WDR48: variants seen among roughly 807,000 people sequenced by gnomAD.
WDR48 encodes the protein WD repeat-containing protein 48.
WDR48 carries 22 observed loss-of-function variants against 94.0 expected under a neutral mutation model. The observed-to-expected ratio is 0.23, with a 90% CI of 0.17 to 0.33. WDR48 has a LOEUF of 0.33. WDR48 is among the 10% of genes least tolerant of loss of function. The pLI, the probability that WDR48 is intolerant of heterozygous loss-of-function variation, is 1.00. For missense variants in WDR48, 541 were observed against 813.8 expected (o/e 0.66, Z 4.08); for synonymous variants, 278 against 280.5 (o/e 0.99, Z 0.09).
intron 7 of WDR48, among the ~76,000 whole-genome samples, chr3:39,070,928 C>T (rs547478860): frequency 6.6e-6 from 1 of 152,034 alleles, no homozygotes; most frequent in Admixed American, 6.6e-5. Flanking sequence ...TGAGAATATG[C>T]GGTGTTTGGT....
At chr3:39,062,925 T>G (rs1040742359) in intron 1 of WDR48, 125 bp from the exon 2 acceptor site, 14 of 1,228,988 alleles carry the variant, frequency 1.1e-5, no homozygotes, top group Non-Finnish European at 1.5e-5. Context: ...TAAATTTGTA[T>G]TGGGTTGAAA....
At chr3:39,072,650 G>A (rs929870550) in intron 7 of WDR48, among the ~76,000 whole-genome samples, 1 of 152,118 alleles carries the variant, frequency 6.6e-6, no homozygotes, top group African/African-American at 2.4e-5. Flanking sequence ...AATCATTGAA[G>A]GACATTCTGT....
intron 1 of WDR48, among the ~76,000 whole-genome samples, chr3:39,054,473 C>A (rs537548334): frequency 2.0e-5 from 3 of 152,144 alleles, no homozygotes; most frequent in Non-Finnish European, 4.4e-5. Flanking sequence ...GGTTGAGAAC[C>A]GCTGTTCTAT....
chr3:39,084,411 G>GA (rs1162877456), intron 12 of WDR48, 149 bp downstream of exon 12: 1 of 612,796 alleles, frequency 1.6e-6, no homozygotes, highest in Non-Finnish European at 2.5e-6. Context: ...GAATAAAAAA[G>GA]AAAAAAACAA....
intron 1 of WDR48, among the ~76,000 whole-genome samples, chr3:39,057,722 A>T (rs1183260687): frequency 6.6e-6 from 1 of 152,112 alleles, no homozygotes; most frequent in Admixed American, 6.5e-5. Context: ...TCCTGGGTTC[A>T]AGTGATTCTC....
intron 1 of WDR48, among the ~76,000 whole-genome samples, chr3:39,062,504 G>A (rs983323119): frequency 6.6e-6 from 1 of 152,150 alleles, no homozygotes; most frequent in Non-Finnish European, 1.5e-5. Flanking sequence ...GCCTTCTAAA[G>A]GAAGTATTGT....
At chr3:39,055,212 C>T (rs774359024) in intron 1 of WDR48, among the ~76,000 whole-genome samples, 1 of 152,150 alleles carries the variant, frequency 6.6e-6, no homozygotes, top group Non-Finnish European at 1.5e-5. Flanking sequence ...GGAGGCCAGG[C>T]GTGGTGGCTC....
chr3:39,059,011 G>A (rs1428735331), intron 1 of WDR48, among the ~76,000 whole-genome samples: 2 of 148,468 alleles, frequency 1.3e-5, no homozygotes, highest in African/African-American at 5.1e-5. Flanking sequence ...GGCAGCAGAG[G>A]TTGCAGTGAG....
At chr3:39,082,304 C>T (rs1161139900) in intron 11 of WDR48, among the ~76,000 whole-genome samples, 1 of 149,536 alleles carries the variant, frequency 6.7e-6, no homozygotes, top group Non-Finnish European at 1.5e-5. Flanking sequence ...TTTTTTGATA[C>T]GGAGTCTCAT....
chr3:39,083,079 T>A (rs139304926), intron 11 of WDR48, among the ~76,000 whole-genome samples: 34 of 152,350 alleles, frequency 2.2e-4, no homozygotes, highest in African/African-American at 8.2e-4. Context: ...GGCATTAACC[T>A]GCTGTGAGTT....
At chr3:39,058,328 A>T (rs2125634781) in intron 1 of WDR48, among the ~76,000 whole-genome samples, 1 of 152,368 alleles carries the variant, frequency 6.6e-6, no homozygotes, top group East Asian at 1.9e-4. Context: ...GAATTTATCC[A>T]ACTAGGATAC....
chr3:39,065,925 T>G, intron 3 of WDR48, 36 bp downstream of exon 3: 1 of 1,509,170 alleles, frequency 6.6e-7, no homozygotes, highest in East Asian at 2.4e-5. Flanking sequence ...GGGCTTCTGA[T>G]ATATTTTTTG....
chr3:39,091,750 C>A, intron 17 of WDR48, 49 bp downstream of exon 17: 2 of 1,424,138 alleles, frequency 1.4e-6, no homozygotes, highest in South Asian at 1.3e-5. Flanking sequence ...AGAGAGAATT[C>A]CTTTTCCTTA....
chr3:39,073,053 C>T (rs2034024844), intron 7 of WDR48, among the ~76,000 whole-genome samples: 1 of 152,190 alleles, frequency 6.6e-6, no homozygotes, highest in Admixed American at 6.5e-5. Context: ...TTCTAACCAT[C>T]ATATCTTACT....
At chr3:39,068,982 C>T (rs1486510918) in intron 6 of WDR48, 123 bp downstream of exon 6, 4 of 700,384 alleles carry the variant, frequency 5.7e-6, no homozygotes, top group Non-Finnish European at 9.0e-6. Context: ...GAGACTGGGT[C>T]TCACTCTGTC....
intron 16 of WDR48, chr3:39,090,215 AAATT>A (rs2035011369): frequency 1.3e-5 from 2 of 152,256 alleles, no homozygotes; most frequent in Admixed American, 1.3e-4. Context: ...GATTAAAAAC[AAATT>A]AATAGTGAGG....
chr3:39,053,294 T>C (rs150454599), intron 1 of WDR48, among the ~76,000 whole-genome samples: 90 of 152,276 alleles, frequency 5.9e-4, no homozygotes, highest in African/African-American at 1.8e-3. Flanking sequence ...ATAAAGGTAG[T>C]TAGATGAAGG....
chr3:39,093,615 C>T (rs1329801512), intron 17 of WDR48, among the ~76,000 whole-genome samples: 2 of 152,142 alleles, frequency 1.3e-5, no homozygotes, highest in East Asian at 3.9e-4. Flanking sequence ...AGATTATAGG[C>T]GTGAGCCACC....
intron 9 of WDR48, 78 bp downstream of exon 9, chr3:39,077,291 T>C (rs1050375469): frequency 6.6e-7 from 1 of 1,514,246 alleles, no homozygotes; most frequent in Admixed American, 1.7e-5. Context: ...CAGTTGCAAA[T>C]GCTCAGTGTG....
Sources: gnomAD v4.1 joint callset for allele counts (sites outside exome capture counted in the v4.1 genomes callset) on GRCh38, gnomAD v4.1.1 for gene constraint, MANE v1.5 for transcripts, NCBI Gene and HGNC (gene_info 2026-07-23, HGNC 2026-07-21) for gene names.